Variants in MICAL3 observed in about 807,000 individuals in gnomAD.
The protein encoded by MICAL3 is [F-actin]-monooxygenase MICAL3.
In MICAL3, 62 loss-of-function variants were observed where a neutral mutation model predicts 207.4. The observed-to-expected ratio is 0.30, with a 90% confidence interval of 0.24 to 0.37. The LOEUF (loss-of-function observed/expected upper bound fraction) is 0.37, where lower values mean the gene tolerates loss of function less well. Among genes scored for constraint, MICAL3 ranks in the 10% least tolerant of loss-of-function variants. MICAL3 has a pLI of 1.00. For synonymous variants in MICAL3, 1,077 were observed against 1,069.3 expected (o/e 1.01, Z -0.14); for missense variants, 2,368 against 2,635.6 (o/e 0.90, Z 2.22).
At chr22:17,858,383 C>T (rs1926151162) in intron 19 of MICAL3, 4 of 767,880 alleles carry the variant, frequency 5.2e-6, no homozygotes, top group Non-Finnish European at 6.3e-6. Flanking sequence ...AGGCGCTTGG[C>T]TGGGTGAGCT....
chr22:17,885,014 T>C (rs188839920), intron 16 of MICAL3, among the ~76,000 whole-genome samples: 25 of 152,346 alleles, frequency 1.6e-4, no homozygotes, highest in African/African-American at 4.1e-4. Flanking sequence ...CCAGTTATCA[T>C]TGAGATTTAT....
intron 19 of MICAL3, among the ~76,000 whole-genome samples, chr22:17,846,363 C>T (rs976673990): frequency 6.6e-6 from 1 of 151,818 alleles, no homozygotes; most frequent in Non-Finnish European, 1.5e-5. Context: ...GCTCCACATT[C>T]CCAGCCCTTC....
chr22:17,854,585 G>C (rs1162881870), intron 19 of MICAL3, among the ~76,000 whole-genome samples: 1 of 152,130 alleles, frequency 6.6e-6, no homozygotes, highest in East Asian at 1.9e-4. Flanking sequence ...GGTGCATGCT[G>C]TGACAAACTT....
chr22:17,893,303 C>T (rs569977639), intron 11 of MICAL3, among the ~76,000 whole-genome samples: 44 of 152,160 alleles, frequency 2.9e-4, no homozygotes, highest in Non-Finnish European at 5.4e-4. Context: ...GTGTGGCTGA[C>T]CAGGTGTACT....
rs555709734 is a variant in MICAL3, at chr22:17,849,893, A to G, written c.2606-7876T>C. On this transcript the variant is annotated intron_variant, in intron 19 of 31. Transcript: ENST00000441493. Reference sequence around the variant, plus strand: ...ATTTTTAGTACAGACGGGTTTCACTATGTTGGCCAGGCTGGTCTCGAACTC... The same window carrying G: ...ATTTTTAGTACAGACGGGTTTCACTGTGTTGGCCAGGCTGGTCTCGAACTC... Among the ~76,000 whole-genome samples, 5 of 151,548 alleles carry G rather than the reference A, an allele frequency of 3.3e-5. No homozygotes were observed. In the South Asian group the frequency reaches 6.3e-4, roughly 19 times the overall value.
At chr22:17,901,103 G>A (rs868598794) in intron 5 of MICAL3, 106 bp from the exon 6 acceptor site, 1 of 1,072,198 alleles carries the variant, frequency 9.3e-7, no homozygotes. Flanking sequence ...AGTCAGGGAT[G>A]AGAACTGATG....
intron 1 of MICAL3, among the ~76,000 whole-genome samples, chr22:17,960,073 G>T (rs893228156): frequency 1.3e-5 from 2 of 152,224 alleles, no homozygotes; most frequent in Admixed American, 6.5e-5. Flanking sequence ...CACAGGAAGA[G>T]AAGGTGTGCA....
chr22:18,000,748 C>T (rs1309903848), intron 1 of MICAL3, among the ~76,000 whole-genome samples: 1 of 152,210 alleles, frequency 6.6e-6, no homozygotes, highest in African/African-American at 2.4e-5. Flanking sequence ...CGCCCGGCCG[C>T]GCCCACCGCC....
chr22:17,943,337 T>C (rs921120915), intron 1 of MICAL3, among the ~76,000 whole-genome samples: 2 of 152,132 alleles, frequency 1.3e-5, no homozygotes, highest in African/African-American at 2.4e-5. Flanking sequence ...TAATTTGTTA[T>C]ATTTTTAGTA....
At position 17,818,233 on chromosome 22, in the gene MICAL3, G is replaced by A. The variant is rs1005186223; in HGVS notation, c.4428C>T (p.Leu1476=). The A allele has an allele frequency of 3.2e-5, 49 of 1,536,848 alleles. No individual in the cohort carries two copies. The highest frequency in any genetic ancestry group is 4.2e-5 in the Non-Finnish European group (48 of 1,147,454). Residue 1476 remains leucine, a synonymous_variant, in exon 26 of 32, where the codon CTC becomes CTT. Coordinates refer to ENST00000441493, the MANE Select transcript of MICAL3 (RefSeq NM_015241.3). ...GEEPATLRRK[L]REAEPNASVV... Reference sequence around the variant, plus strand: ...CCGAGGCATTGGGCTCGGCCTCCCTGAGCTTCCTCCGCAAGGTGGCGGGCT... The same window carrying A: ...CCGAGGCATTGGGCTCGGCCTCCCTAAGCTTCCTCCGCAAGGTGGCGGGCT...
chr22:17,932,263 G>C (rs1252270362), intron 1 of MICAL3, among the ~76,000 whole-genome samples: 1 of 152,314 alleles, frequency 6.6e-6, no homozygotes, highest in East Asian at 1.9e-4. Context: ...AAGGCCATCA[G>C]ACTAACGCGG....
At position 17,861,890 on chromosome 22, in the gene MICAL3, G is replaced by A. The variant is rs1926554134; in HGVS notation, c.2605+3009C>T. The A allele has an allele frequency of 5.1e-6, 5 of 985,322 alleles. No individual in the cohort carries two copies. In the Admixed American group the frequency reaches 3.1e-4, roughly 61 times the overall value. 61.0% of individuals were successfully genotyped at this position (985,322 alleles called of 1,614,324 possible). The stretch of plus-strand genomic sequence containing the variant: ...AATACTTTAAAGCCGACCTAGAGTG[G>A]TTCTTTGAACTGCAGGTTGTAATTG... On this transcript the variant is annotated intron_variant, in intron 19 of 31. Coordinates refer to ENST00000441493, the MANE Select transcript of MICAL3 (RefSeq NM_015241.3).
At chr22:17,815,036 C>T (rs1379282434) in intron 27 of MICAL3, 1 of 152,310 alleles carries the variant, frequency 6.6e-6, no homozygotes, top group African/African-American at 2.4e-5. Context: ...CGGCCATCCG[C>T]TAGCCTGTCT....
At chr22:18,015,919 A>G (rs9306204) in intron 1 of MICAL3, among the ~76,000 whole-genome samples, 32,904 of 152,138 alleles carry the variant, frequency 0.22, 3,975 homozygotes, top group East Asian at 0.38. Flanking sequence ...AATATTAGAC[A>G]TTTCAGTGAT....
At position 17,981,020 on chromosome 22, in the gene MICAL3, A is replaced by G. The variant is rs551645076; in HGVS notation, c.-75+43261T>C. The G allele has an allele frequency of 9.5e-5, 42 of 441,284 alleles. No individual in the cohort carries two copies. The East Asian group carries it at 2.3e-3, about 24-fold the overall frequency. The allele number at this position is 441,284 out of a possible 1,614,324, so 27.3% of individuals were successfully genotyped here. On this transcript the variant is annotated intron_variant, in intron 1 of 31. Transcript: ENST00000441493. ...ACTGCAGGAGGGCAGTATTTACTTC[A>G]CCCACTGCAGTACTGTGCTGGCAAA...
In MICAL3 at chr22:17,892,126, G is replaced by C. The variant is rs1254524217; in HGVS notation, c.1547-494C>G. On this transcript the variant is annotated intron_variant, in intron 11 of 31. Transcript: ENST00000441493. ...CCAGGCCTCGCCCTTGCACTTCCAAGGCACTGTATAACTTGCCAAGAGAAG... is the reference window on the plus strand; with the variant it reads ...CCAGGCCTCGCCCTTGCACTTCCAACGCACTGTATAACTTGCCAAGAGAAG... 2.0e-5 allele frequency among the ~76,000 whole-genome samples: 3 copies of C among 152,208 alleles called. No homozygotes were observed. In the East Asian group the frequency reaches 5.8e-4, roughly 29 times the overall value.
chr22:17,906,115 C>A (rs1931697512), intron 2 of MICAL3, among the ~76,000 whole-genome samples: 1 of 152,208 alleles, frequency 6.6e-6, no homozygotes, highest in African/African-American at 2.4e-5. Flanking sequence ...ATCCTCCGAA[C>A]CACGTGAGGT....
chr22:17,949,273 T>C (rs936227201), intron 1 of MICAL3, among the ~76,000 whole-genome samples: 7 of 152,204 alleles, frequency 4.6e-5, no homozygotes, highest in African/African-American at 7.2e-5. Context: ...CTAACGTAAC[T>C]GAACACTTAG....
chr22:17,837,660 A>C (rs1211304556), intron 20 of MICAL3, among the ~76,000 whole-genome samples: 2 of 152,206 alleles, frequency 1.3e-5, no homozygotes, highest in East Asian at 3.8e-4. Context: ...CTTGCCTGCA[A>C]GGTAGAGGCA....
Sources: allele counts gnomAD v4.1 joint callset (sites outside exome capture counted in the v4.1 genomes callset), GRCh38; gene constraint gnomAD v4.1.1; transcripts MANE v1.5; gene names NCBI Gene and HGNC (gene_info 2026-07-23, HGNC 2026-07-21).